SLC28A3: variants seen among roughly 807,000 people sequenced by gnomAD.
SLC28A3 encodes concentrative Na(+)-nucleoside cotransporter 3.
SLC28A3 carries 68 observed loss-of-function variants against 84.2 expected under a neutral mutation model. The ratio of observed to expected loss-of-function variants is 0.81; its 90% CI spans 0.66 to 0.99. The LOEUF is 0.99. SLC28A3 is among the 50% of genes least tolerant of loss of function. The probability of loss-of-function intolerance (pLI) is 0.00; values close to 1 mark genes in which losing one functional copy is unlikely to be tolerated. For synonymous variants in SLC28A3, 267 were observed against 303.6 expected (o/e 0.88, Z 1.25); for missense variants, 712 against 841.5 (o/e 0.85, Z 1.90).
chr9:84,283,978 T>C (rs187435234), intron 14 of SLC28A3, among the ~76,000 whole-genome samples: 2 of 152,312 alleles, frequency 1.3e-5, no homozygotes, highest in East Asian at 3.9e-4. Context: ...ACTGAGCTCC[T>C]GTTACCAAAT....
chr9:84,364,924 A>T, the SLC28A3 span, among the ~76,000 whole-genome samples: 3 of 152,174 alleles, frequency 2.0e-5, no homozygotes, highest in Non-Finnish European at 2.9e-5. Context: ...TCATCTGTTG[A>T]TGGACACTTA....
intron 8 of SLC28A3, among the ~76,000 whole-genome samples, chr9:84,295,623 A>C (rs535225704): frequency 1.6e-4 from 25 of 151,874 alleles, no homozygotes; most frequent in African/African-American, 5.8e-4. Context: ...AACAAACAAA[A>C]AACCATTGCA....
intron 10 of SLC28A3, 126 bp downstream of exon 10, chr9:84,292,542 G>T: frequency 1.5e-6 from 1 of 646,254 alleles, no homozygotes. Flanking sequence ...GCCAATACTG[G>T]GGGTTTCTTA....
intron 11 of SLC28A3, 38 bp from the exon 12 acceptor site, chr9:84,288,216 G>A (rs771182113): frequency 6.2e-7 from 1 of 1,612,386 alleles, no homozygotes; most frequent in South Asian, 1.1e-5. Context: ...CCTGGGATTA[G>A]CTTTTTTCTT....
Position 84,299,553 on chromosome 9 carries a change from G to T in SLC28A3, c.669+28C>A, listed in dbSNP as rs752806815. The T allele has an allele frequency of 4.3e-6, 7 of 1,611,842 alleles. No individual in the cohort carries two copies. The South Asian group carries it at 6.6e-5, about 15-fold the overall frequency. On this transcript the variant is annotated intron_variant, in intron 6 of 17. Transcript: ENST00000376238. ...TACACATGGGGAGAAAAAGAAAAAA[G>T]AACCTAAAAGATCAACTGGATACTT...
chr9:84,289,120 A>G (rs1825111632), intron 11 of SLC28A3, among the ~76,000 whole-genome samples: 2 of 152,032 alleles, frequency 1.3e-5, no homozygotes, highest in South Asian at 4.1e-4. Context: ...TCCAGGATCA[A>G]CACCTCCCTC....
intron 8 of SLC28A3, among the ~76,000 whole-genome samples, chr9:84,295,551 C>A (rs1825382230): frequency 1.3e-5 from 2 of 152,058 alleles, no homozygotes; most frequent in African/African-American, 4.8e-5. Context: ...CCATTGCACT[C>A]CAGCCTGGAT....
At chr9:84,283,857 C>A (rs1824869105) in intron 14 of SLC28A3, among the ~76,000 whole-genome samples, 1 of 152,192 alleles carries the variant, frequency 6.6e-6, no homozygotes, top group African/African-American at 2.4e-5. Context: ...TTCTCCACTT[C>A]TAGGTTGTGA....
chr9:84,311,265 G>GA (rs1012018923), intron 2 of SLC28A3, among the ~76,000 whole-genome samples: 2 of 151,918 alleles, frequency 1.3e-5, no homozygotes, highest in East Asian at 1.9e-4. Context: ...TTGTTTTTAT[G>GA]AAAAAAATAT....
At chr9:84,349,356 C>G in the SLC28A3 span, among the ~76,000 whole-genome samples, 1 of 152,308 alleles carries the variant, frequency 6.6e-6, no homozygotes, top group Admixed American at 6.5e-5. Context: ...TCTGCTTCAG[C>G]CTCCTGAGTA....
intron 3 of SLC28A3, among the ~76,000 whole-genome samples, chr9:84,308,574 A>G (rs963142513): frequency 2.0e-5 from 3 of 152,116 alleles, no homozygotes; most frequent in African/African-American, 7.2e-5. Flanking sequence ...CTATTTCTAG[A>G]TTTAAAATTA....
intron 1 of SLC28A3, among the ~76,000 whole-genome samples, chr9:84,319,498 C>T (rs1470785013): frequency 6.6e-6 from 1 of 151,978 alleles, no homozygotes; most frequent in African/African-American, 2.4e-5. Context: ...ACCCTTGTCT[C>T]TCTATTTTTT....
At position 84,340,600 on chromosome 9, in the gene SLC28A3, C is replaced by T. The variant is rs1827129112; in HGVS notation, c.34G>A (p.Glu12Lys). ...ELRSTAAPRA[E>K]GYSNVGFQNE... ...TGGAAGCCCACGTTGCTGTAGCCCT[C>T]AGCTCTGGGGGCTGCTGTACTCCTC... Residue 12 changes from glutamate to lysine, a missense_variant, in exon 1 of 18, where the codon GAG becomes AAG. Coordinates refer to ENST00000376238, the MANE Select transcript of SLC28A3 (RefSeq NM_001199633.2). 2 of 1,614,070 alleles carry T rather than the reference C, an allele frequency of 1.2e-6. No individual in the cohort carries two copies. The highest frequency in any genetic ancestry group is 2.2e-5 in the East Asian group (1 of 44,892).
intron 1 of SLC28A3, among the ~76,000 whole-genome samples, chr9:84,318,474 G>A (rs1463079182): frequency 6.6e-6 from 1 of 152,198 alleles, no homozygotes; most frequent in Non-Finnish European, 1.5e-5. Context: ...GAATGTCAGG[G>A]AAAGGGGAAA....
At chr9:84,354,325 G>A in the SLC28A3 span, among the ~76,000 whole-genome samples, 1 of 152,220 alleles carries the variant, frequency 6.6e-6, no homozygotes, top group Non-Finnish European at 1.5e-5. Context: ...GCAATGCAGA[G>A]GGTAGGTATC....
At chr9:84,331,644 C>G (rs1392848778) in intron 1 of SLC28A3, among the ~76,000 whole-genome samples, 1 of 152,204 alleles carries the variant, frequency 6.6e-6, no homozygotes, top group Non-Finnish European at 1.5e-5. Context: ...TTCCACCCAA[C>G]TAACTTCAGA....
At chr9:84,320,153 G>A (rs1384052140) in intron 1 of SLC28A3, among the ~76,000 whole-genome samples, 1 of 143,416 alleles carries the variant, frequency 7.0e-6, no homozygotes, top group Non-Finnish European at 1.5e-5. Context: ...GGGTTCAAGT[G>A]ATTCTCATAC....
chr9:84,318,871 G>GCA (rs1826264000), intron 1 of SLC28A3, among the ~76,000 whole-genome samples: 1 of 133,216 alleles, frequency 7.5e-6, no homozygotes, highest in African/African-American at 2.7e-5. Flanking sequence ...CCCTGTCTCA[G>GCA]AAAAAAAAAA....
intron 1 of SLC28A3, among the ~76,000 whole-genome samples, chr9:84,314,130 T>C (rs1826087339): frequency 6.6e-6 from 1 of 152,020 alleles, no homozygotes; most frequent in Non-Finnish European, 1.5e-5. Context: ...TATTCTTAGA[T>C]GTTAGATTTA....
Sources: allele counts gnomAD v4.1 joint callset (sites outside exome capture counted in the v4.1 genomes callset), GRCh38; gene constraint gnomAD v4.1.1; transcripts MANE v1.5; gene names NCBI Gene and HGNC (gene_info 2026-07-23, HGNC 2026-07-21).